DRC11: variants seen among roughly 807,000 people sequenced by gnomAD.
The protein encoded by DRC11 is IQ and AAA domain-containing protein 1.
At chr2:236,434,053 G>A in the DRC11 span, among the ~76,000 whole-genome samples, 6 of 152,186 alleles carry the variant, frequency 3.9e-5, no homozygotes, top group African/African-American at 1.4e-4. The surrounding 1 kb of genome is among the most constrained non-coding windows in gnomAD (Gnocchi z 5.5). Flanking sequence ...ATACGATGCG[G>A]TGCATTCATA....
the DRC11 span, among the ~76,000 whole-genome samples, chr2:236,426,825 T>C: frequency 1.3e-5 from 2 of 152,222 alleles, no homozygotes; most frequent in Non-Finnish European, 2.9e-5. The surrounding 1 kb of genome is among the most constrained non-coding windows in gnomAD (Gnocchi z 4.1). Context: ...CTGTACTAGG[T>C]TGAATAAAAC....
At chr2:236,331,345 G>A in the DRC11 span, 38 of 1,561,100 alleles carry the variant, frequency 2.4e-5, no homozygotes, top group Non-Finnish European at 2.6e-5. This position sits in a 1 kb window ranked among gnomAD's most constrained non-coding sequence, Gnocchi z 4.8. Context: ...TTGGTCATCA[G>A]GGTGTTCATT....
chr2:236,434,558 G>T, the DRC11 span, among the ~76,000 whole-genome samples: 1 of 152,254 alleles, frequency 6.6e-6, no homozygotes, highest in South Asian at 2.1e-4. This position sits in a 1 kb window ranked among gnomAD's most constrained non-coding sequence, Gnocchi z 5.5. Context: ...ATCGGAGTGT[G>T]GGGGGATGAA....
chr2:236,394,616 A>T, the DRC11 span, among the ~76,000 whole-genome samples: 5 of 151,502 alleles, frequency 3.3e-5, no homozygotes, highest in African/African-American at 9.7e-5. The surrounding 1 kb of genome is among the most constrained non-coding windows in gnomAD (Gnocchi z 7.0). Context: ...AGACTGTCTC[A>T]AAAAGAAAAA....
At chr2:236,444,933 G>A in the DRC11 span, among the ~76,000 whole-genome samples, 1 of 152,210 alleles carries the variant, frequency 6.6e-6, no homozygotes, top group African/African-American at 2.4e-5. Context: ...TTGGGCCCCA[G>A]GTGGTGCCTG....
At chr2:236,338,460 A>C in the DRC11 span, 1 of 1,269,354 alleles carries the variant, frequency 7.9e-7, no homozygotes, top group Non-Finnish European at 1.1e-6. Flanking sequence ...CTTAGGATGC[A>C]TTGCAGCATC....
At chr2:236,500,094 T>TGAC in the DRC11 span, among the ~76,000 whole-genome samples, 1 of 149,638 alleles carries the variant, frequency 6.7e-6, no homozygotes, top group African/African-American at 2.6e-5. The surrounding 1 kb of genome is among the most constrained non-coding windows in gnomAD (Gnocchi z 6.3). Flanking sequence ...ATGATGATGA[T>TGAC]GATGATGATG....
At chr2:236,416,714 T>C in the DRC11 span, among the ~76,000 whole-genome samples, 1 of 82,810 alleles carries the variant, frequency 1.2e-5, no homozygotes, top group Non-Finnish European at 2.4e-5. Context: ...TTTACATATA[T>C]ATATATTTAT....
the DRC11 span, among the ~76,000 whole-genome samples, chr2:236,497,751 G>A: frequency 6.6e-6 from 1 of 152,180 alleles, no homozygotes; most frequent in African/African-American, 2.4e-5. The surrounding 1 kb of genome is among the most constrained non-coding windows in gnomAD (Gnocchi z 5.1). Flanking sequence ...TCCTCACTTG[G>A]CCCATAAAGC....
At chr2:236,463,179 T>TA in the DRC11 span, among the ~76,000 whole-genome samples, 8 of 152,200 alleles carry the variant, frequency 5.3e-5, no homozygotes, top group Non-Finnish European at 1.5e-5. This position sits in a 1 kb window ranked among gnomAD's most constrained non-coding sequence, Gnocchi z 5.0. Flanking sequence ...GCCTGAGTGA[T>TA]ATATAATAAA....
chr2:236,399,441 T>C, the DRC11 span: 43 of 1,613,914 alleles, frequency 2.7e-5, no homozygotes, highest in Non-Finnish European at 3.5e-5. This position sits in a 1 kb window ranked among gnomAD's most constrained non-coding sequence, Gnocchi z 7.0. Flanking sequence ...CTTCCTTCAT[T>C]GCAGGAAGAA....
At chr2:236,382,120 A>T in the DRC11 span, among the ~76,000 whole-genome samples, 2 of 152,178 alleles carry the variant, frequency 1.3e-5, no homozygotes, top group African/African-American at 4.8e-5. Context: ...TAATTTTTAT[A>T]TAATGTGTGA....
At chr2:236,387,761 T>C in the DRC11 span, among the ~76,000 whole-genome samples, 1 of 152,152 alleles carries the variant, frequency 6.6e-6, no homozygotes, top group Non-Finnish European at 1.5e-5. Context: ...CTAGTCTCGA[T>C]GGTCTTTACA....
chr2:236,383,363 A>C, the DRC11 span, among the ~76,000 whole-genome samples: 1 of 152,142 alleles, frequency 6.6e-6, no homozygotes, highest in African/African-American at 2.4e-5. Context: ...GAGTTTGTCA[A>C]TTTTTAAAAT....
chr2:236,461,671 T>C, the DRC11 span, among the ~76,000 whole-genome samples: 62 of 152,260 alleles, frequency 4.1e-4, no homozygotes, highest in Non-Finnish European at 4.9e-4. This position sits in a 1 kb window ranked among gnomAD's most constrained non-coding sequence, Gnocchi z 4.0. Context: ...CACTTTGAGG[T>C]CTCAGCACCC....
At chr2:236,468,823 T>G in the DRC11 span, among the ~76,000 whole-genome samples, 1 of 152,262 alleles carries the variant, frequency 6.6e-6, no homozygotes, top group African/African-American at 2.4e-5. Flanking sequence ...TAAAATTGTT[T>G]TGAAGTCTTG....
chr2:236,383,355 G>C, the DRC11 span, among the ~76,000 whole-genome samples: 2 of 152,102 alleles, frequency 1.3e-5, no homozygotes, highest in African/African-American at 4.8e-5. Flanking sequence ...CTAGCACAGA[G>C]TTTGTCAATT....
chr2:236,310,684 A>G, the DRC11 span, among the ~76,000 whole-genome samples: 1 of 152,220 alleles, frequency 6.6e-6, no homozygotes, highest in Non-Finnish European at 1.5e-5. The surrounding 1 kb of genome is among the most constrained non-coding windows in gnomAD (Gnocchi z 5.5). Flanking sequence ...TGGGTGCATT[A>G]TAATTTGCTC....
At chr2:236,326,932 C>G in the DRC11 span, among the ~76,000 whole-genome samples, 1 of 151,682 alleles carries the variant, frequency 6.6e-6, no homozygotes, top group African/African-American at 2.4e-5. Context: ...GTTGTTCAGG[C>G]TGGTCTCGAA....
Sources: allele counts gnomAD v4.1 joint callset (sites outside exome capture counted in the v4.1 genomes callset), GRCh38; gene constraint gnomAD v4.1.1; non-coding constraint Gnocchi (gnomAD v3.1); transcripts MANE v1.5; gene names NCBI Gene and HGNC (gene_info 2026-07-23, HGNC 2026-07-21).